PPARGC1A: variants seen among roughly 807,000 people sequenced by gnomAD.
The protein encoded by PPARGC1A is peroxisome proliferator-activated receptor gamma coactivator 1-alpha.
PPARGC1A carries 25 observed loss-of-function variants against 88.7 expected under a neutral mutation model. The ratio of observed to expected loss-of-function variants is 0.28; its 90% CI spans 0.21 to 0.39. The LOEUF is 0.39. PPARGC1A is among the 10% of genes least tolerant of loss of function. The pLI is 1.00. For missense variants in PPARGC1A, 880 were observed against 968.7 expected (o/e 0.91, Z 1.22); for synonymous variants, 363 against 355.6 (o/e 1.02, Z -0.24).
chr4:24,321,307 G>C, the PPARGC1A span, among the ~76,000 whole-genome samples: 17 of 152,118 alleles, frequency 1.1e-4, no homozygotes, highest in African/African-American at 2.4e-5. Context: ...AATAAAATGC[G>C]TATGACGCAA....
At chr4:24,035,062 G>T in the PPARGC1A span, among the ~76,000 whole-genome samples, 6 of 152,260 alleles carry the variant, frequency 3.9e-5, no homozygotes, top group African/African-American at 1.4e-4. Context: ...TACTAGGACT[G>T]GATTTTGCTC....
chr4:23,931,295 G>T, the PPARGC1A span, among the ~76,000 whole-genome samples: 3 of 152,000 alleles, frequency 2.0e-5, no homozygotes, highest in Non-Finnish European at 4.4e-5. Flanking sequence ...GAAGGAATGT[G>T]ACTCTTGGCT....
chr4:23,885,285 A>G (rs1413506146), intron 1 of PPARGC1A, among the ~76,000 whole-genome samples: 1 of 152,208 alleles, frequency 6.6e-6, no homozygotes, highest in Non-Finnish European at 1.5e-5. Flanking sequence ...CAAAGTTTTA[A>G]ACTGTCTTAT....
intron 1 of PPARGC1A, among the ~76,000 whole-genome samples, chr4:23,897,139 A>G (rs1718691452): frequency 6.6e-6 from 1 of 152,166 alleles, no homozygotes; most frequent in African/African-American, 2.4e-5. Context: ...AGCCAATTTG[A>G]TTTCATGTTC....
intron 2 of PPARGC1A, among the ~76,000 whole-genome samples, chr4:23,864,160 C>T (rs891365066): frequency 6.6e-6 from 1 of 152,206 alleles, no homozygotes; most frequent in Non-Finnish European, 1.5e-5. Context: ...TAATATCAGG[C>T]CAATGCTCAC....
the PPARGC1A span, among the ~76,000 whole-genome samples, chr4:24,225,850 C>T: frequency 6.6e-6 from 1 of 151,892 alleles, no homozygotes; most frequent in African/African-American, 2.4e-5. Context: ...TTGACTGGAG[C>T]TTAGGTGGAA....
chr4:23,842,757 C>G (rs2148615276), intron 2 of PPARGC1A, among the ~76,000 whole-genome samples: 1 of 152,098 alleles, frequency 6.6e-6, no homozygotes, highest in Middle Eastern at 3.4e-3. Context: ...GGAGGTAGAG[C>G]CTAGGATTCT....
the PPARGC1A span, among the ~76,000 whole-genome samples, chr4:24,166,464 G>T: frequency 6.6e-6 from 1 of 152,174 alleles, no homozygotes; most frequent in Non-Finnish European, 1.5e-5. Flanking sequence ...TGCCATCTAG[G>T]ACTTTCATAG....
chr4:24,021,663 T>C, the PPARGC1A span, among the ~76,000 whole-genome samples: 1 of 152,180 alleles, frequency 6.6e-6, no homozygotes, highest in Non-Finnish European at 1.5e-5. Flanking sequence ...TTGGGCAAGT[T>C]CCTAAACCTC....
At chr4:24,359,465 T>A in the PPARGC1A span, among the ~76,000 whole-genome samples, 1 of 152,208 alleles carries the variant, frequency 6.6e-6, no homozygotes, top group African/African-American at 2.4e-5. Context: ...GGATATCTCA[T>A]GGCATCTGAA....
the PPARGC1A span, among the ~76,000 whole-genome samples, chr4:24,022,878 C>A: frequency 6.6e-6 from 1 of 152,170 alleles, no homozygotes; most frequent in African/African-American, 2.4e-5. Context: ...GTATCAGAAC[C>A]TAATCCCTCC....
chr4:24,212,652 G>A, the PPARGC1A span, among the ~76,000 whole-genome samples: 4 of 152,266 alleles, frequency 2.6e-5, no homozygotes, highest in South Asian at 4.2e-4. Flanking sequence ...AACTTGTTGG[G>A]GATCCTGGAG....
At chr4:24,128,192 G>A in the PPARGC1A span, among the ~76,000 whole-genome samples, 1 of 152,130 alleles carries the variant, frequency 6.6e-6, no homozygotes, top group Non-Finnish European at 1.5e-5. Flanking sequence ...AAGAGCTTGT[G>A]CATTATACAC....
the PPARGC1A span, among the ~76,000 whole-genome samples, chr4:24,209,646 T>G: frequency 6.6e-6 from 1 of 152,134 alleles, no homozygotes; most frequent in Admixed American, 6.5e-5. Context: ...GCCCCTAACT[T>G]GCCAAGAAAG....
intron 7 of PPARGC1A, among the ~76,000 whole-genome samples, chr4:23,818,502 T>C (rs916802861): frequency 6.6e-6 from 1 of 152,152 alleles, no homozygotes; most frequent in Non-Finnish European, 1.5e-5. Context: ...CAAGAGTATG[T>C]AGGTCATATT....
the PPARGC1A span, among the ~76,000 whole-genome samples, chr4:23,987,314 T>A: frequency 6.6e-6 from 1 of 152,064 alleles, no homozygotes; most frequent in African/African-American, 2.4e-5. Flanking sequence ...TGTAGCAGGA[T>A]TTCTTTTACT....
rs1712339283 is a variant in PPARGC1A, at chr4:23,867,767, GATTCTTCCAAA to G, written c.234+16974_234+16984del. Among the ~76,000 whole-genome samples, 7 of 152,268 alleles carry G rather than the reference GATTCTTCCAAA, an allele frequency of 4.6e-5. No homozygotes were observed. In the South Asian group the frequency reaches 1.5e-3, roughly 32 times the overall value. ...GGATTTCTTTCTAGCCCCTAAGCTT[GATTCTTCCAAA>G]AATAAGGCAACTGCGATACAAGTAT... On this transcript the variant is annotated intron_variant, in intron 2 of 12. Coordinates refer to ENST00000264867, the MANE Select transcript of PPARGC1A (RefSeq NM_013261.5).
the PPARGC1A span, among the ~76,000 whole-genome samples, chr4:24,228,485 A>G: frequency 6.6e-6 from 1 of 152,246 alleles, no homozygotes; most frequent in Admixed American, 6.5e-5. Context: ...GACACTGAGG[A>G]CTATCAGGGT....
At chr4:24,038,187 C>T in the PPARGC1A span, among the ~76,000 whole-genome samples, 1,532 of 152,230 alleles carry the variant, frequency 0.01, 17 homozygotes, top group East Asian at 0.071. Flanking sequence ...CCTTGTAGAG[C>T]AAAATAACAT....
Sources: allele counts gnomAD v4.1 joint callset (sites outside exome capture counted in the v4.1 genomes callset), GRCh38; gene constraint gnomAD v4.1.1; transcripts MANE v1.5; gene names NCBI Gene and HGNC (gene_info 2026-07-23, HGNC 2026-07-21).